Variants in CHAF1A observed in about 807,000 individuals in gnomAD.
CHAF1A encodes the protein chromatin assembly factor 1 subunit A, also known as CAF-1 subunit A.
In CHAF1A, 5 loss-of-function variants were observed where a neutral mutation model predicts 93.2. That is an observed-to-expected ratio of 0.05 (90% CI 0.03 to 0.11). CHAF1A has a LOEUF of 0.11. Ranked by LOEUF, CHAF1A falls within the 10% of genes least tolerant of loss-of-function variation. The pLI, the probability that CHAF1A is intolerant of heterozygous loss-of-function variation, is 1.00. For missense variants in CHAF1A, 1,102 were observed against 1,259.9 expected (o/e 0.87, Z 1.90); for synonymous variants, 504 against 510.3 (o/e 0.99, Z 0.17).
chr19:4,447,467 C>T, downstream of CHAF1A: 1 of 1,503,700 alleles, frequency 6.7e-7, no homozygotes, highest in Non-Finnish European at 9.2e-7. Flanking sequence ...GAGCCCACCG[C>T]CTGGTGTGGG....
At chr19:4,415,964 G>A (rs971611753) in intron 3 of CHAF1A, among the ~76,000 whole-genome samples, 4 of 152,150 alleles carry the variant, frequency 2.6e-5, no homozygotes, top group African/African-American at 9.7e-5. Context: ...ACGAGGTCAG[G>A]AGATCGAGAC....
rs1420160928 is a variant in CHAF1A at position 4,402,668 on chromosome 19, A to AGCAGCGGCG, written c.-94_-86dup. 9.8e-6 allele frequency: 8 copies of AGCAGCGGCG among 814,054 alleles called. No homozygotes were observed. Among genetic ancestry groups the AGCAGCGGCG allele is most frequent in the Non-Finnish European group, 1.3e-5 (8 of 622,772 alleles). The allele number at this position is 814,054 out of a possible 1,614,324, so 50.4% of individuals were successfully genotyped here. A position where few individuals can be genotyped will look rare whatever the true frequency, so the allele number is the denominator to read the frequency against. ...ATACGAGCGCGGCGGCCGCGGCGGC[A>AGCAGCGGCG]GCAGCGGCGCGGGCGGGAGGGCGAA... On this transcript the variant is annotated 5_prime_UTR_variant, in exon 1 of 15. Transcript: ENST00000301280.
chr19:4,420,046 G>A (rs1289778500), intron 4 of CHAF1A, among the ~76,000 whole-genome samples: 1 of 152,112 alleles, frequency 6.6e-6, no homozygotes, highest in Non-Finnish European at 1.5e-5. Flanking sequence ...TCCAGGCTGT[G>A]TCTCTGTGGC....
chr19:4,418,861 C>T (rs1282656113), intron 4 of CHAF1A, among the ~76,000 whole-genome samples: 1 of 151,634 alleles, frequency 6.6e-6, no homozygotes, highest in Non-Finnish European at 1.5e-5. Flanking sequence ...ATGCAGGGGG[C>T]TTTTGTTTTG....
At chr19:4,450,758 CAAAAAAAAAAA>C in the CHAF1A span, 31 of 43,806 alleles carry the variant, frequency 7.1e-4, no homozygotes, top group Admixed American at 3.0e-3. Context: ...GACTCTGTCT[CAAAAAAAAAAA>C]AAAAAAAAAA....
intron 13 of CHAF1A, among the ~76,000 whole-genome samples, chr19:4,438,215 C>G (rs1187405950): frequency 6.6e-6 from 1 of 152,138 alleles, no homozygotes; most frequent in African/African-American, 2.4e-5. Context: ...GTCACATAGG[C>G]TCCAGTGTCT....
chr19:4,409,038 A>G lies in CHAF1A; in HGVS notation c.239A>G (p.His80Arg). Residue 80 changes from histidine (H) to arginine (R), a missense_variant, in exon 3 of 15, where the codon CAT becomes CGT. Coordinates refer to ENST00000301280, the MANE Select transcript of CHAF1A (RefSeq NM_005483.3). ...ASLDTLENNC[H>R]VGSDIDFRPK... ...TTGGACACCTTGGAAAACAACTGTC[A>G]TGTGGGTTCTGACATAGACTTTAGA... 2 of 1,614,198 alleles carry G rather than the reference A, an allele frequency of 1.2e-6. No individual in the cohort carries two copies. The highest frequency in any genetic ancestry group is 1.7e-6 in the Non-Finnish European group (2 of 1,180,030).
chr19:4,423,433 G>C, intron 6 of CHAF1A, 38 bp downstream of exon 6: 2 of 1,611,142 alleles, frequency 1.2e-6, no homozygotes, highest in South Asian at 1.1e-5. Context: ...GTCCCAGCCC[G>C]TTGGAGAAGC....
At chr19:4,439,250 C>T (rs1438444031) in intron 13 of CHAF1A, among the ~76,000 whole-genome samples, 2 of 151,420 alleles carry the variant, frequency 1.3e-5, no homozygotes, top group Admixed American at 1.3e-4. Flanking sequence ...CACTGCACTC[C>T]AGCCTGGGCA....
intron 13 of CHAF1A, among the ~76,000 whole-genome samples, chr19:4,438,120 G>C (rs1238535427): frequency 1.3e-5 from 2 of 152,088 alleles, no homozygotes; most frequent in African/African-American, 4.8e-5. Flanking sequence ...ACATGTGCAG[G>C]TTGGCAAACT....
chr19:4,448,349 G>A (rs1974582998), downstream of CHAF1A: 10 of 1,610,010 alleles, frequency 6.2e-6, no homozygotes, highest in East Asian at 8.9e-5. Flanking sequence ...AGCTTCACCC[G>A]GTCCTGGTCT....
chr19:4,432,631 G>A (rs1204774679), intron 12 of CHAF1A, among the ~76,000 whole-genome samples: 1 of 151,954 alleles, frequency 6.6e-6, no homozygotes, highest in Admixed American at 6.6e-5. Flanking sequence ...GTGGTATCAC[G>A]CACCTGTGAT....
At chr19:4,432,544 T>C (rs1324314881) in intron 12 of CHAF1A, among the ~76,000 whole-genome samples, 3 of 152,054 alleles carry the variant, frequency 2.0e-5, no homozygotes, top group African/African-American at 7.2e-5. Flanking sequence ...GAGGATCGCT[T>C]GAGCCTAGTG....
intron 3 of CHAF1A, among the ~76,000 whole-genome samples, chr19:4,413,839 C>A (rs1021979191): frequency 6.6e-6 from 1 of 152,156 alleles, no homozygotes; most frequent in African/African-American, 2.4e-5. Flanking sequence ...AAAAGATCCC[C>A]CTTTAGATAC....
chr19:4,432,525 C>G (rs1484982778), intron 12 of CHAF1A, among the ~76,000 whole-genome samples: 1 of 152,054 alleles, frequency 6.6e-6, no homozygotes, highest in Non-Finnish European at 1.5e-5. Flanking sequence ...CTTTGGGAGG[C>G]CAAGGTGGGA....
chr19:4,444,137 C>T (rs984293407), downstream of CHAF1A, among the ~76,000 whole-genome samples: 2 of 152,272 alleles, frequency 1.3e-5, no homozygotes, highest in African/African-American at 4.8e-5. Flanking sequence ...CTGGGGCCTG[C>T]AGGACGCAGG....
chr19:4,441,352 G>A (rs991675662), intron 13 of CHAF1A, among the ~76,000 whole-genome samples: 2 of 151,964 alleles, frequency 1.3e-5, no homozygotes, highest in Non-Finnish European at 2.9e-5. Flanking sequence ...ACAGTTGTCT[G>A]TAATCCCAGG....
intron 3 of CHAF1A, among the ~76,000 whole-genome samples, chr19:4,413,221 G>A (rs1369463957): frequency 5.9e-5 from 9 of 152,036 alleles, no homozygotes; most frequent in South Asian, 2.1e-4. Context: ...ACAGGCACGC[G>A]CCACCAGGCC....
chr19:4,413,998 T>C (rs1377250549), intron 3 of CHAF1A, among the ~76,000 whole-genome samples: 4 of 152,230 alleles, frequency 2.6e-5, no homozygotes, highest in African/African-American at 7.2e-5. Flanking sequence ...CAAATGATCA[T>C]GTTGGTGCAG....
Sources: allele counts gnomAD v4.1 joint callset (sites outside exome capture counted in the v4.1 genomes callset), GRCh38; gene constraint gnomAD v4.1.1; transcripts MANE v1.5; gene names NCBI Gene and HGNC (gene_info 2026-07-23, HGNC 2026-07-21).